Variants in MARCHF1 observed in about 807,000 individuals in gnomAD.
MARCHF1 encodes the protein membrane associated ring-CH-type finger 1.
In MARCHF1, 40 loss-of-function variants were observed where a neutral mutation model predicts 54.2. That is an observed-to-expected ratio of 0.74 (90% CI 0.57 to 0.96). The LOEUF is 0.96. Among genes scored for constraint, MARCHF1 ranks in the 40% least tolerant of loss-of-function variants. The pLI, the probability that MARCHF1 is intolerant of heterozygous loss-of-function variation, is 0.00. For missense variants in MARCHF1, 586 were observed against 656.5 expected (o/e 0.89, Z 1.17); for synonymous variants, 236 against 236.3 (o/e 1.00, Z 0.01).
At chr4:163,862,571 G>T (rs1286538703) in intron 3 of MARCHF1, among the ~76,000 whole-genome samples, 1 of 152,044 alleles carries the variant, frequency 6.6e-6, no homozygotes, top group Non-Finnish European at 1.5e-5. Flanking sequence ...TGACAAGGAT[G>T]CCAAGCAACA....
chr4:164,309,385 C>T (rs1286283401), intron 1 of MARCHF1, among the ~76,000 whole-genome samples: 1 of 152,110 alleles, frequency 6.6e-6, no homozygotes, highest in South Asian at 2.1e-4. Flanking sequence ...TAATGATGCC[C>T]CACTGACAGA....
chr4:164,340,243 T>C (rs966565753), intron 1 of MARCHF1, among the ~76,000 whole-genome samples: 1 of 150,234 alleles, frequency 6.7e-6, no homozygotes, highest in African/African-American at 2.4e-5. Context: ...TTTTTCTTTT[T>C]TTTTTTTCTT....
At chr4:164,141,990 G>A (rs1015584930) in intron 1 of MARCHF1, among the ~76,000 whole-genome samples, 6 of 143,978 alleles carry the variant, frequency 4.2e-5, no homozygotes, top group Non-Finnish European at 6.0e-5. Flanking sequence ...AAAGTAGGGC[G>A]AGGCATTGCC....
chr4:163,829,865 C>T (rs1259622734), intron 4 of MARCHF1, among the ~76,000 whole-genome samples: 1 of 152,174 alleles, frequency 6.6e-6, no homozygotes, highest in Non-Finnish European at 1.5e-5. Context: ...AGATAAGCTT[C>T]TCACCTTTCC....
chr4:164,217,589 T>C (rs867503570), intron 1 of MARCHF1, among the ~76,000 whole-genome samples: 2 of 152,218 alleles, frequency 1.3e-5, no homozygotes, highest in African/African-American at 2.4e-5. Context: ...AAATGACTTA[T>C]GTTATGACAC....
At chr4:163,965,762 C>T (rs1752431032) in intron 3 of MARCHF1, among the ~76,000 whole-genome samples, 1 of 152,074 alleles carries the variant, frequency 6.6e-6, no homozygotes, top group African/African-American at 2.4e-5. Flanking sequence ...CAGATTCCTA[C>T]AACTGAAAAA....
intron 5 of MARCHF1, among the ~76,000 whole-genome samples, chr4:163,661,873 C>T (rs936610794): frequency 6.6e-6 from 1 of 151,986 alleles, no homozygotes; most frequent in Non-Finnish European, 1.5e-5. Context: ...AATTACATAG[C>T]GTAGGACAGA....
At chr4:164,257,344 C>A (rs1457881828) in intron 1 of MARCHF1, among the ~76,000 whole-genome samples, 2 of 151,672 alleles carry the variant, frequency 1.3e-5, no homozygotes, top group African/African-American at 4.8e-5. Context: ...CTTATGAATA[C>A]AATACATGTT....
intron 2 of MARCHF1, among the ~76,000 whole-genome samples, chr4:164,047,288 A>C (rs139661338): frequency 1.8e-3 from 269 of 152,250 alleles, no homozygotes; most frequent in Non-Finnish European, 3.2e-3. Context: ...CTTCAGTCTT[A>C]CAACCACATG....
At chr4:163,943,615 G>A (rs537992716) in intron 3 of MARCHF1, among the ~76,000 whole-genome samples, 1 of 151,858 alleles carries the variant, frequency 6.6e-6, no homozygotes, top group East Asian at 1.9e-4. Flanking sequence ...GGAGGGAGAG[G>A]ATCAGGAAAA....
intron 1 of MARCHF1, among the ~76,000 whole-genome samples, chr4:164,332,552 G>C (rs1388993453): frequency 6.6e-6 from 1 of 152,114 alleles, no homozygotes; most frequent in Non-Finnish European, 1.5e-5. Context: ...GAGTTCTAGG[G>C]GCAACATTCG....
intron 4 of MARCHF1, among the ~76,000 whole-genome samples, chr4:163,730,435 G>A (rs533534556): frequency 7.2e-5 from 11 of 152,088 alleles, no homozygotes; most frequent in East Asian, 1.9e-4. Flanking sequence ...AGAATGAGTC[G>A]TACTTTTTCA....
At chr4:164,342,346 C>G (rs1403972983) in intron 1 of MARCHF1, among the ~76,000 whole-genome samples, 1 of 152,010 alleles carries the variant, frequency 6.6e-6, no homozygotes, top group East Asian at 1.9e-4. Flanking sequence ...GAAACTCTTA[C>G]ACATTATTGG....
chr4:163,942,936 A>G (rs1196204657), intron 3 of MARCHF1, among the ~76,000 whole-genome samples: 2 of 151,778 alleles, frequency 1.3e-5, no homozygotes, highest in Non-Finnish European at 2.9e-5. Flanking sequence ...TCTCTTCCAA[A>G]AAAAAAAAAG....
chr4:164,277,353 C>A (rs1449484174), intron 1 of MARCHF1, among the ~76,000 whole-genome samples: 2 of 152,162 alleles, frequency 1.3e-5, no homozygotes, highest in African/African-American at 2.4e-5. Context: ...CTGTTTAAAG[C>A]CCTTCATTGG....
intron 2 of MARCHF1, among the ~76,000 whole-genome samples, chr4:164,030,931 T>C (rs763465851): frequency 8.5e-5 from 13 of 152,162 alleles, no homozygotes; most frequent in Non-Finnish European, 1.8e-4. Context: ...ACACTGATTT[T>C]GTATCCTGAG....
chr4:163,780,822 G>T (rs1377150486), intron 4 of MARCHF1, among the ~76,000 whole-genome samples: 2 of 152,140 alleles, frequency 1.3e-5, no homozygotes, highest in Non-Finnish European at 1.5e-5. Flanking sequence ...GTCTGCATAC[G>T]CCCACAGCAG....
At chr4:163,635,524 C>G (rs1404622029) in intron 5 of MARCHF1, among the ~76,000 whole-genome samples, 2 of 144,044 alleles carry the variant, frequency 1.4e-5, no homozygotes, top group Admixed American at 7.0e-5. Context: ...GACACATATA[C>G]TCTCCCAAGA....
chr4:164,165,109 G>T (rs1560935100), intron 1 of MARCHF1, among the ~76,000 whole-genome samples: 1 of 151,970 alleles, frequency 6.6e-6, no homozygotes, highest in South Asian at 2.1e-4. Context: ...CTGTGAATAA[G>T]AGAGATAGAA....
Sources: gnomAD v4.1 joint callset for allele counts (sites outside exome capture counted in the v4.1 genomes callset) on GRCh38, gnomAD v4.1.1 for gene constraint, MANE v1.5 for transcripts, NCBI Gene and HGNC (gene_info 2026-07-23, HGNC 2026-07-21) for gene names.